Variants in SYNPO2 observed in about 807,000 individuals in gnomAD.
The protein encoded by SYNPO2 is synaptopodin-2.
A neutral mutation model predicts 85.0 loss-of-function variants in SYNPO2; 56 were observed. The ratio of observed to expected loss-of-function variants is 0.66; its 90% CI spans 0.53 to 0.82. The LOEUF (loss-of-function observed/expected upper bound fraction) is 0.82. SYNPO2 is among the 40% of genes least tolerant of loss of function. SYNPO2 has a pLI of 0.00. For missense variants in SYNPO2, 1,575 were observed against 1,534.2 expected, an observed-to-expected ratio of 1.03 and a Z score of -0.44; for synonymous variants, 602 against 591.1, an observed-to-expected ratio of 1.02 and a Z score of -0.27.
intron 1 of SYNPO2, among the ~76,000 whole-genome samples, chr4:118,992,129 A>C (rs150119380): frequency 1.3e-5 from 2 of 152,080 alleles, no homozygotes; most frequent in Non-Finnish European, 2.9e-5. Context: ...ATTGTGGGGG[A>C]TCTTGCTTGT....
At chr4:118,969,774 T>G (rs1735466185) in intron 1 of SYNPO2, among the ~76,000 whole-genome samples, 1 of 151,516 alleles carries the variant, frequency 6.6e-6, no homozygotes, top group African/African-American at 2.4e-5. Flanking sequence ...TTACAAGGTT[T>G]TTTTTTTTTT....
chr4:118,868,945 A>C (rs1318140056), intron 1 of SYNPO2, among the ~76,000 whole-genome samples: 1 of 152,224 alleles, frequency 6.6e-6, no homozygotes, highest in Non-Finnish European at 1.5e-5. Flanking sequence ...TGATTCCAGC[A>C]TGACCGCAGG....
chr4:118,858,517 A>C (rs888490307), intron 1 of SYNPO2, among the ~76,000 whole-genome samples: 1 of 152,066 alleles, frequency 6.6e-6, no homozygotes, highest in South Asian at 2.1e-4. Context: ...CCCTTTCTCT[A>C]TGAAGGCCTG....
At chr4:118,902,287 G>A (rs1219239751) in intron 1 of SYNPO2, among the ~76,000 whole-genome samples, 6 of 152,134 alleles carry the variant, frequency 3.9e-5, no homozygotes, top group Non-Finnish European at 7.3e-5. Context: ...TAGAGCACCT[G>A]TATTCGTCCA....
At chr4:118,973,409 T>A (rs1324544470) in intron 1 of SYNPO2, among the ~76,000 whole-genome samples, 1 of 152,092 alleles carries the variant, frequency 6.6e-6, no homozygotes, top group African/African-American at 2.4e-5. Flanking sequence ...GTGGTGCTGA[T>A]TTTTAAGAGA....
chr4:118,992,607 C>T (rs1203501286), intron 1 of SYNPO2, among the ~76,000 whole-genome samples: 1 of 152,180 alleles, frequency 6.6e-6, no homozygotes, highest in African/African-American at 2.4e-5. Context: ...GGGATGCCTC[C>T]AAGGTCCTTG....
At position 119,057,728 on chromosome 4, in the gene SYNPO2, T is replaced by C. The variant is rs758469178; in HGVS notation, c.3580T>C (p.Cys1194Arg). The change falls in exon 5 of 5, where the codon TGT becomes CGT. Residue 1194 changes from cysteine (C) to arginine (R), a missense_variant. Physicochemically the swap from Cys to Arg is radical, Grantham distance 180. Transcript: ENST00000307142. ...AACCCAGAAGGCCTATATGGGCTCA[T>C]GTGGAAGGCAAGAGTATAATGTCAC... ...PQTQKAYMGS[C>R]GRQEYNVTAN... 8 of 1,614,158 alleles carry C rather than the reference T, an allele frequency of 5.0e-6. No individual in the cohort carries two copies. Among genetic ancestry groups the C allele is most frequent in the South Asian group, 1.1e-5 (1 of 91,082 alleles).
At chr4:118,873,956 A>C (rs966349211) in intron 1 of SYNPO2, among the ~76,000 whole-genome samples, 2 of 151,916 alleles carry the variant, frequency 1.3e-5, no homozygotes, top group East Asian at 3.9e-4. Flanking sequence ...TCCCACCGGC[A>C]TTTATTAAAA....
chr4:119,015,328 G>A (rs1047159873), intron 1 of SYNPO2, among the ~76,000 whole-genome samples: 9 of 152,188 alleles, frequency 5.9e-5, no homozygotes, highest in Middle Eastern at 3.4e-3. Flanking sequence ...CTGTCATTTG[G>A]AGAAAAATTT....
chr4:118,979,021 A>C (rs940817399), intron 1 of SYNPO2, among the ~76,000 whole-genome samples: 22 of 152,102 alleles, frequency 1.4e-4, no homozygotes, highest in Non-Finnish European at 2.8e-4. Flanking sequence ...ATTGTTTAAC[A>C]CCTGTACTGA....
rs376143508 is a variant in SYNPO2 at position 118,923,094 on chromosome 4, T to C, written c.105+33953T>C. On this transcript the variant is annotated intron_variant, in intron 1 of 4. Transcript: ENST00000307142. ...ATTCTCTGCCATACACACAACACGA[T>C]GGCAGCTTCAGAAAATTGGCGTTTC... Among the ~76,000 whole-genome samples the C allele has an allele frequency of 2.2e-4, 34 of 152,248 alleles. 1 individual carries two copies. Among genetic ancestry groups the C allele is most frequent in the African/African-American group, 6.0e-4 (25 of 41,540 alleles).
chr4:118,872,559 C>T (rs1731821912), intron 1 of SYNPO2, among the ~76,000 whole-genome samples: 1 of 152,136 alleles, frequency 6.6e-6, no homozygotes, highest in Non-Finnish European at 1.5e-5. Flanking sequence ...TCAGCCCACC[C>T]ACATGTAAAG....
rs753132780 is a variant in SYNPO2, at chr4:119,030,028, A to G, written c.1253A>G (p.Glu418Gly). 6.2e-7 allele frequency: 1 copy of G among 1,614,136 alleles called. No individual in the cohort carries two copies. Among genetic ancestry groups the G allele is most frequent in the Non-Finnish European group, 8.5e-7 (1 of 1,180,016 alleles). The change falls in exon 4 of 5, where the codon GAG (glutamate) becomes GGG (glycine). Residue 418 changes from glutamate to glycine, a missense_variant. This residue lies in a region of SYNPO2 where 1,508 missense variants were observed against 1,446.8 expected (regional missense o/e 1.04). Coordinates refer to ENST00000307142, the MANE Select transcript of SYNPO2 (RefSeq NM_133477.3). ...TLVSYGTGEL[E>G]READEEEEGD... ...GTTAGCTACGGTACTGGCGAGCTTG[A>G]GCGAGAGGCGGACGAGGAGGAAGAA...
rs1461611777 is a variant in SYNPO2, at chr4:118,888,993, T to C, written c.-44T>C. ...CATCCTCTACCGCACCCAAGCTTCG[T>C]CTGTCTCGTCAAGCTCTTCATGCTG... On this transcript the variant is annotated 5_prime_UTR_variant, in exon 1 of 5. Transcript: ENST00000307142. 6 of 1,601,038 alleles carry C rather than the reference T, an allele frequency of 3.7e-6. No homozygotes were observed. Among genetic ancestry groups the C allele is most frequent in the South Asian group, 1.1e-5 (1 of 90,536 alleles).
chr4:119,052,361 A>C (rs2149200864), intron 4 of SYNPO2, among the ~76,000 whole-genome samples: 1 of 152,290 alleles, frequency 6.6e-6, no homozygotes, highest in East Asian at 1.9e-4. Flanking sequence ...GATGAGTCCA[A>C]AGTCACTCCC....
At chr4:118,959,021 A>G (rs953071662) in intron 1 of SYNPO2, among the ~76,000 whole-genome samples, 2 of 152,168 alleles carry the variant, frequency 1.3e-5, no homozygotes, top group Non-Finnish European at 2.9e-5. Flanking sequence ...GTATATTTCT[A>G]TTCAAAGGAT....
intron 1 of SYNPO2, among the ~76,000 whole-genome samples, chr4:118,942,684 G>A (rs1351025944): frequency 1.3e-5 from 2 of 152,172 alleles, no homozygotes; most frequent in East Asian, 3.8e-4. Context: ...TGCCACAGGG[G>A]ACATTTGGCA....
chr4:118,952,523 A>G (rs908814515), intron 1 of SYNPO2, among the ~76,000 whole-genome samples: 1 of 152,206 alleles, frequency 6.6e-6, no homozygotes, highest in African/African-American at 2.4e-5. Flanking sequence ...GTTACTTGTA[A>G]TTATGTATTT....
chr4:118,869,259 T>C (rs1486418697), intron 1 of SYNPO2, among the ~76,000 whole-genome samples: 1 of 152,062 alleles, frequency 6.6e-6, no homozygotes, highest in Non-Finnish European at 1.5e-5. Context: ...GGTTTCTCTA[T>C]GTTGGTCAGG....
Sources: gnomAD v4.1 joint callset for allele counts (sites outside exome capture counted in the v4.1 genomes callset) on GRCh38, gnomAD v4.1.1 for gene constraint, gnomAD v4.1.1 regional missense constraint, MANE v1.5 for transcripts, NCBI Gene and HGNC (gene_info 2026-07-23, HGNC 2026-07-21) for gene names.